SCG2: variants seen among roughly 807,000 people sequenced by gnomAD.
SCG2 encodes secretogranin II, also known as secretogranin-2.
In SCG2, 23 loss-of-function variants were observed where a neutral mutation model predicts 49.5. That is an observed-to-expected ratio of 0.46 (90% CI 0.33 to 0.66). The LOEUF is 0.66. Among genes scored for constraint, SCG2 ranks in the 30% least tolerant of loss-of-function variants. The pLI is 0.01. For synonymous variants in SCG2, 288 were observed against 260.4 expected, an observed-to-expected ratio of 1.11 and a Z score of -1.02; for missense variants, 730 against 728.2, an observed-to-expected ratio of 1.00 and a Z score of -0.03.
Position 223,598,650 on chromosome 2 carries a change from T to A in SCG2, c.633A>T (p.Pro211=). Residue 211 remains proline (P), a synonymous_variant, in exon 2 of 2, where the codon CCA becomes CCT. Coordinates refer to ENST00000305409, the MANE Select transcript of SCG2 (RefSeq NM_003469.5). The part of the protein sequence containing the change: ...VFQELGKLTG[P]NNQKRERMDE... ...CCATCCTCTCACGTTTCTGGTTGTTTGGTCCTGTCAGTTTCCCCAGCTCTT... is the reference window on the plus strand; with the variant it reads ...CCATCCTCTCACGTTTCTGGTTGTTAGGTCCTGTCAGTTTCCCCAGCTCTT... 6.2e-7 allele frequency: 1 copy of A among 1,614,156 alleles called. No individual in the cohort carries two copies. The highest frequency in any genetic ancestry group is 8.5e-7 in the Non-Finnish European group (1 of 1,180,048).
intron 1 of SCG2, among the ~76,000 whole-genome samples, chr2:223,601,911 C>T (rs1691396685): frequency 6.6e-6 from 1 of 152,148 alleles, no homozygotes; most frequent in Non-Finnish European, 1.5e-5. Context: ...ATAAATTATA[C>T]CCCTGGCTTC....
chr2:223,597,112 G>C lies in SCG2; in HGVS notation c.*317C>G. Reference sequence around the variant, plus strand: ...TTAAAAACTTTCAATAGAATTATAGGACACTTTTTTATCATATGTGAGCAT... The same window carrying C: ...TTAAAAACTTTCAATAGAATTATAGCACACTTTTTTATCATATGTGAGCAT... On this transcript the variant is annotated 3_prime_UTR_variant, in exon 2 of 2. Coordinates refer to ENST00000305409, the MANE Select transcript of SCG2 (RefSeq NM_003469.5). 4.8e-6 allele frequency: 1 copy of C among 209,896 alleles called. No homozygotes were observed. Among genetic ancestry groups the C allele is most frequent in the Non-Finnish European group, 9.4e-6 (1 of 105,932 alleles). 13.0% of individuals were successfully genotyped at this position (209,896 alleles called of 1,614,324 possible).
chr2:223,601,789 T>C (rs957223345), intron 1 of SCG2, among the ~76,000 whole-genome samples: 1 of 152,188 alleles, frequency 6.6e-6, no homozygotes, highest in Non-Finnish European at 1.5e-5. Flanking sequence ...AGAGCTCTTG[T>C]AAGATAAATA....
intron 1 of SCG2, 46 bp from the exon 2 acceptor site, chr2:223,599,342 A>G: frequency 6.9e-7 from 1 of 1,454,168 alleles, no homozygotes. Flanking sequence ...ACAAACTAGA[A>G]GACACTATAG....
chr2:223,597,035 G>A lies in SCG2; in HGVS notation c.*394C>T, dbSNP rs544841130. ...ATATTTATAATGCTTTATTTTTTTG[G>A]TCCAGTACTCCACAAAACACTACAG... On this transcript the variant is annotated 3_prime_UTR_variant, in exon 2 of 2. Coordinates refer to ENST00000305409, the MANE Select transcript of SCG2 (RefSeq NM_003469.5). The A allele has an allele frequency of 6.4e-6, 1 of 156,180 alleles. No individual in the cohort carries two copies. Among genetic ancestry groups the A allele is most frequent in the Non-Finnish European group, 1.4e-5 (1 of 70,746 alleles). The allele number at this position is 156,180 out of a possible 1,614,324, so 9.7% of individuals were successfully genotyped here.
Position 223,597,565 on chromosome 2 carries a change from G to T in SCG2, c.1718C>A (p.Pro573His). 1 of 1,614,030 alleles carries T rather than the reference G, an allele frequency of 6.2e-7. No individual in the cohort carries two copies. Among genetic ancestry groups the T allele is most frequent in the East Asian group, 2.2e-5 (1 of 44,882 alleles). ...ATTTGGGGTATCATCATTCTTCGGG[G>T]GCCCCACAGGGAACCTTTTGCTCAC... ...APVSKRFPVGPPKNDDTPNRQ... is the reference protein window; with the variant it reads ...APVSKRFPVGHPKNDDTPNRQ... The change falls in exon 2 of 2, where the codon CCC becomes CAC. Residue 573 changes from proline to histidine, a missense_variant. Pro to His is a moderately conservative substitution (Grantham distance 77). Coordinates refer to ENST00000305409, the MANE Select transcript of SCG2 (RefSeq NM_003469.5).
chr2:223,599,035 C>T lies in SCG2; in HGVS notation c.248G>A (p.Gly83Asp). 6.2e-7 allele frequency: 1 copy of T among 1,614,132 alleles called. No homozygotes were observed. Among genetic ancestry groups the T allele is most frequent in the South Asian group, 1.1e-5 (1 of 91,072 alleles). ...ESSPDYNPYQ[G>D]VSVPLQQKEN... ...TTTTTGCTGAAGGGGGACAGAGACA[C>T]CTTGGTAGGGATTATAATCTGGGCT... is the stretch of plus-strand genomic sequence containing the variant. Residue 83 changes from glycine to aspartate, a missense_variant, in exon 2 of 2, where the codon GGT becomes GAT. Transcript: ENST00000305409.
rs990981719 is a variant in SCG2 at position 223,600,856 on chromosome 2, T to C, written c.-15+1429A>G. Among the ~76,000 whole-genome samples, 9 of 152,296 alleles carry C rather than the reference T, an allele frequency of 5.9e-5. No homozygotes were observed. In the East Asian group the frequency reaches 1.5e-3, roughly 26 times the overall value. On this transcript the variant is annotated intron_variant, in intron 1 of 1. Transcript: ENST00000305409. ...ATTTATTATAAATACATGTTTACTA[T>C]AAGTAATTTTATTCATAAAATAATG... is the stretch of plus-strand genomic sequence containing the variant.
At position 223,597,338 on chromosome 2, in the gene SCG2, G is replaced by A. The variant is rs2230168; in HGVS notation, c.*91C>T. On this transcript the variant is annotated 3_prime_UTR_variant, in exon 2 of 2. Transcript: ENST00000305409. ...GTACATCATTTAAAGATATTACAGT[G>A]TTAACAGGATAGAAGTCAACACACT... The A allele has an allele frequency of 2.7e-6, 4 of 1,468,530 alleles. No individual in the cohort carries two copies. The Admixed American group carries it at 6.8e-5, about 25-fold the overall frequency. The allele number at this position is 1,468,530 out of a possible 1,614,324, so 91.0% of individuals were successfully genotyped here. A position where few individuals can be genotyped will look rare whatever the true frequency, so the allele number is the denominator to read the frequency against.
chr2:223,598,349 C>A lies in SCG2; in HGVS notation c.934G>T (p.Ala312Ser), dbSNP rs1691333408. The A allele has an allele frequency of 3.7e-6, 6 of 1,613,862 alleles. No individual in the cohort carries two copies. The Admixed American group carries it at 6.7e-5, about 18-fold the overall frequency. The stretch of plus-strand genomic sequence containing the variant: ...GCATTTACTAACCTTTTCAAATAGG[C>A]AATTACTTTGGAGACATCATCTGAG... ...QLSDDVSKVI[A>S]YLKRLVNAAG... Residue 312 changes from alanine (A) to serine (S), a missense_variant, in exon 2 of 2, where the codon GCC becomes TCC. Coordinates refer to ENST00000305409, the MANE Select transcript of SCG2 (RefSeq NM_003469.5).
intron 1 of SCG2, among the ~76,000 whole-genome samples, chr2:223,601,248 T>C (rs1691384433): frequency 6.6e-6 from 1 of 152,196 alleles, no homozygotes; most frequent in African/African-American, 2.4e-5. Context: ...CTCTTTCAAG[T>C]AGTAAAGATG....
At chr2:223,599,336 A>G in intron 1 of SCG2, 40 bp from the exon 2 acceptor site, 1 of 1,467,258 alleles carries the variant, frequency 6.8e-7, no homozygotes, top group South Asian at 1.4e-5. Context: ...AATGAAACAA[A>G]CTAGAAGACA....
Position 223,597,738 on chromosome 2 carries a change from G to A in SCG2, c.1545C>T (p.Tyr515=), listed in dbSNP as rs1380659211. The A allele has an allele frequency of 1.2e-6, 2 of 1,613,976 alleles. No individual in the cohort carries two copies. Among genetic ancestry groups the A allele is most frequent in the Non-Finnish European group, 1.7e-6 (2 of 1,180,044 alleles). Residue 515 remains tyrosine, a synonymous_variant, in exon 2 of 2, where the codon TAC becomes TAT. Coordinates refer to ENST00000305409, the MANE Select transcript of SCG2 (RefSeq NM_003469.5). ...GEYLARMLVK[Y]PEIINSNQVK... ...CTTGGTTTGAATTAATGATCTCAGG[G>A]TATTTAACTAGCATCCTGGCCAAGT... is the stretch of plus-strand genomic sequence containing the variant.
rs962119107 is a variant in SCG2, at chr2:223,600,678, T to C, written c.-14-1382A>G. Among the ~76,000 whole-genome samples the C allele has an allele frequency of 5.3e-5, 8 of 152,254 alleles. No homozygotes were observed. The East Asian group carries it at 1.5e-3, about 29-fold the overall frequency. On this transcript the variant is annotated intron_variant, in intron 1 of 1. Transcript: ENST00000305409. ...ATTGTTCACAAGATCATATTGATGA[T>C]TTTGTTTCCAGTTTTTTAGAGCCCA... is the stretch of plus-strand genomic sequence containing the variant.
In SCG2 at chr2:223,598,389, C is replaced by G. The variant is rs1310713583; in HGVS notation, c.894G>C (p.Glu298Asp). The G allele has an allele frequency of 5.6e-6, 9 of 1,613,984 alleles. No homozygotes were observed. The highest frequency in any genetic ancestry group is 1.7e-5 in the Admixed American group (1 of 60,004). ...CATCATCTGAGAGTTGGTCTTTACT[C>G]TCTTTCCGAAGATCTTCTTCCTGGA... is the stretch of plus-strand genomic sequence containing the variant. Reference protein sequence around the residue: ...LGIQEEDLRKESKDQLSDDVS... With the variant: ...LGIQEEDLRKDSKDQLSDDVS... Residue 298 changes from glutamate (E) to aspartate (D), a missense_variant, in exon 2 of 2, where the codon GAG becomes GAC. Glu to Asp is a conservative substitution (Grantham distance 45). Transcript: ENST00000305409.
chr2:223,597,283 G>T lies in SCG2; in HGVS notation c.*146C>A. On this transcript the variant is annotated 3_prime_UTR_variant, in exon 2 of 2. Coordinates refer to ENST00000305409, the MANE Select transcript of SCG2 (RefSeq NM_003469.5). ...ATAACAGCTCAGAGGAAATGAAGCA[G>T]ACTCCCCAGTGACCTGGTTTCATCT... 1.0e-6 allele frequency: 1 copy of T among 981,216 alleles called. No homozygotes were observed. Among genetic ancestry groups the T allele is most frequent in the Non-Finnish European group, 1.5e-6 (1 of 687,180 alleles). 60.8% of individuals were successfully genotyped at this position (981,216 alleles called of 1,614,324 possible). A position where few individuals can be genotyped will look rare whatever the true frequency, so the allele number is the denominator to read the frequency against.
At position 223,597,592 on chromosome 2, in the gene SCG2, G is replaced by A. The variant is rs36043001; in HGVS notation, c.1691C>T (p.Pro564Leu). The A allele has an allele frequency of 0.021, 33,151 of 1,614,010 alleles. 401 individuals carry two copies. Among genetic ancestry groups the A allele is most frequent in the Non-Finnish European group, 0.024 (28,189 of 1,179,994 alleles). ...GSSQETDKLAPVSKRFPVGPP... is the reference protein window; with the variant it reads ...GSSQETDKLALVSKRFPVGPP... ...CCCCACAGGGAACCTTTTGCTCACC[G>A]GGGCCAGCTTGTCAGTCTCCTGAGA... Residue 564 changes from proline to leucine, a missense_variant, in exon 2 of 2, where the codon CCG becomes CTG. By Grantham distance (98) the Pro-to-Leu change is moderately conservative (BLOSUM62 -3). Coordinates refer to ENST00000305409, the MANE Select transcript of SCG2 (RefSeq NM_003469.5).
In SCG2 at chr2:223,597,841, G is replaced by C; in HGVS notation, c.1442C>G (p.Ala481Gly). 1 of 1,614,222 alleles carries C rather than the reference G, an allele frequency of 6.2e-7. No individual in the cohort carries two copies. The highest frequency in any genetic ancestry group is 8.5e-7 in the Non-Finnish European group (1 of 1,180,044). ...GRSRSNQLPKAAWIPHVENRQ... is the reference protein window; with the variant it reads ...GRSRSNQLPKGAWIPHVENRQ... ...GTTTTCAACATGTGGAATCCAGGCA[G>C]CTTTGGGAAGCTGGTTCGATCTAGA... The change falls in exon 2 of 2, where the codon GCT (alanine) becomes GGT (glycine). Residue 481 changes from alanine (A) to glycine (G), a missense_variant. Transcript: ENST00000305409.
chr2:223,597,422 A>G lies in SCG2; in HGVS notation c.*7T>C, dbSNP rs1691312678. 6.3e-7 allele frequency: 1 copy of G among 1,575,776 alleles called. No homozygotes were observed. The highest frequency in any genetic ancestry group is 8.6e-7 in the Non-Finnish European group (1 of 1,161,140). On this transcript the variant is annotated 3_prime_UTR_variant, in exon 2 of 2. Transcript: ENST00000305409. ...GGAATGAAAGTAGGGTAATTAATGA[A>G]AGCAGCTTACATATTTTCCATTGCT...
Sources: allele counts gnomAD v4.1 joint callset (sites outside exome capture counted in the v4.1 genomes callset), GRCh38; gene constraint gnomAD v4.1.1; transcripts MANE v1.5; gene names NCBI Gene and HGNC (gene_info 2026-07-23, HGNC 2026-07-21).